TBX5: variants seen among roughly 807,000 people sequenced by gnomAD.
TBX5 encodes T-box transcription factor 5.
TBX5 carries 8 observed loss-of-function variants against 51.1 expected under a neutral mutation model. That is an observed-to-expected ratio of 0.16 (90% CI 0.09 to 0.28). TBX5 has a LOEUF of 0.28. Among genes scored for constraint, TBX5 ranks in the 10% least tolerant of loss-of-function variants. The pLI, the probability that TBX5 is intolerant of heterozygous loss-of-function variation, is 1.00. For missense variants in TBX5, 589 were observed against 671.7 expected, an observed-to-expected ratio of 0.88 and a Z score of 1.36; for synonymous variants, 302 against 266.4, an observed-to-expected ratio of 1.13 and a Z score of -1.30.
chr12:114,373,299 A>G (rs1171780977), intron 7 of TBX5, among the ~76,000 whole-genome samples: 1 of 152,200 alleles, frequency 6.6e-6, no homozygotes, highest in Non-Finnish European at 1.5e-5. Flanking sequence ...CCTTTGTCTC[A>G]GTTTCCCTGT....
At chr12:114,389,821 C>T (rs1388426031) in intron 6 of TBX5, among the ~76,000 whole-genome samples, 1 of 147,922 alleles carries the variant, frequency 6.8e-6, no homozygotes, top group African/African-American at 2.5e-5. Flanking sequence ...CTCCCACCTC[C>T]CAGCCTGCCC....
chr12:114,365,546 A>G (rs1278631613), intron 8 of TBX5, among the ~76,000 whole-genome samples: 1 of 152,158 alleles, frequency 6.6e-6, no homozygotes, highest in African/African-American at 2.4e-5. Flanking sequence ...TTTAAAAAAA[A>G]TTTTGGGTGT....
intron 8 of TBX5, among the ~76,000 whole-genome samples, chr12:114,365,175 T>A (rs556514013): frequency 9.9e-5 from 8 of 80,570 alleles, no homozygotes; most frequent in Admixed American, 8.0e-4. Context: ...GTGATGTGTG[T>A]GTGTGTGTGT....
intron 8 of TBX5, among the ~76,000 whole-genome samples, chr12:114,361,476 T>C (rs1405847378): frequency 6.6e-6 from 1 of 152,160 alleles, no homozygotes; most frequent in Non-Finnish European, 1.5e-5. Context: ...AGACAAGTGC[T>C]CTCCCAGGCC....
chr12:114,385,450 G>A (rs1473810740), intron 7 of TBX5, 26 bp downstream of exon 7: 2 of 1,608,282 alleles, frequency 1.2e-6, no homozygotes, highest in Admixed American at 3.3e-5. Flanking sequence ...GTGGGGAGGA[G>A]AAAGTTGAGG....
intron 7 of TBX5, among the ~76,000 whole-genome samples, chr12:114,375,657 G>A (rs1205847643): frequency 1.3e-5 from 2 of 152,188 alleles, no homozygotes; most frequent in East Asian, 1.9e-4. Flanking sequence ...GCAAGGATGT[G>A]GAGAAAAAGG....
In TBX5 at chr12:114,354,438, G is replaced by T. The variant is rs184793497; in HGVS notation, c.*1094C>A. 6.6e-6 allele frequency: 1 copy of T among 152,172 alleles called. No homozygotes were observed. Among genetic ancestry groups the T allele is most frequent in the African/African-American group, 2.4e-5 (1 of 41,516 alleles). 9.4% of individuals were successfully genotyped at this position (152,172 alleles called of 1,614,324 possible). ...GTAAACACAGTTTTGTGTTGGCATT[G>T]GTGTGGGCGTGGTTTCTTTGGCGAG... is the stretch of plus-strand genomic sequence containing the variant. On this transcript the variant is annotated 3_prime_UTR_variant, in exon 9 of 9. Coordinates refer to ENST00000405440, the MANE Select transcript of TBX5 (RefSeq NM_181486.4).
At position 114,403,848 on chromosome 12, in the gene TBX5, A is replaced by G. The variant is rs765479608; in HGVS notation, c.51T>C (p.Pro17=). 44 of 1,613,702 alleles carry G rather than the reference A, an allele frequency of 2.7e-5. No homozygotes were observed. Among genetic ancestry groups the G allele is most frequent in the Non-Finnish European group, 1.7e-5 (20 of 1,179,998 alleles). Residue 17 remains proline, a synonymous_variant, in exon 2 of 9, where the codon CCT becomes CCC. Transcript: ENST00000405440. ...GFGLAHTPLE[P]DAKDLPCDSK... is the part of the protein sequence containing the mutation. ...AATCGCAGGGCAGGTCTTTTGCGTC[A>G]GGCTCCAGAGGCGTGTGCGCCAGGC... is the stretch of plus-strand genomic sequence containing the variant.
At chr12:114,391,198 A>G (rs942919993) in intron 6 of TBX5, among the ~76,000 whole-genome samples, 7 of 152,184 alleles carry the variant, frequency 4.6e-5, no homozygotes, top group Admixed American at 1.3e-4. Flanking sequence ...TTCCCTGCTC[A>G]TTTATCCAAG....
chr12:114,401,574 C>T (rs1234444678), intron 3 of TBX5, among the ~76,000 whole-genome samples: 1 of 152,146 alleles, frequency 6.6e-6, no homozygotes, highest in Non-Finnish European at 1.5e-5. Flanking sequence ...GGGAGAAATG[C>T]CCAGTTTCCG....
At chr12:114,390,904 A>G (rs1037209884) in intron 6 of TBX5, among the ~76,000 whole-genome samples, 8 of 152,338 alleles carry the variant, frequency 5.3e-5, no homozygotes, top group Non-Finnish European at 1.0e-4. Flanking sequence ...GAGTTTTTAA[A>G]TATCTTTTTT....
At chr12:114,370,150 G>A (rs1224112736) in intron 7 of TBX5, among the ~76,000 whole-genome samples, 2 of 151,758 alleles carry the variant, frequency 1.3e-5, no homozygotes, top group Non-Finnish European at 2.9e-5. Context: ...ACAATCACTT[G>A]AACCTGGGAG....
chr12:114,355,613 G>T lies in TBX5; in HGVS notation c.1476C>A (p.Gly492=), dbSNP rs369034176. 1 of 1,614,152 alleles carries T rather than the reference G, an allele frequency of 6.2e-7. No homozygotes were observed. Among genetic ancestry groups the T allele is most frequent in the South Asian group, 1.1e-5 (1 of 91,074 alleles). ...LQPPEFLYSH[G]VPRTLSPHQY... is the part of the protein sequence containing the mutation. ...GATGAGGGGATAGAGTCCTTGGCACGCCATGAGAGTAGAGGAACTCAGGGG... is the reference window on the plus strand; with the variant it reads ...GATGAGGGGATAGAGTCCTTGGCACTCCATGAGAGTAGAGGAACTCAGGGG... The change falls in exon 9 of 9, where the codon GGC becomes GGA. Residue 492 remains glycine, a synonymous_variant. Coordinates refer to ENST00000405440, the MANE Select transcript of TBX5 (RefSeq NM_181486.4).
chr12:114,381,081 C>G (rs1458193017), intron 7 of TBX5, among the ~76,000 whole-genome samples: 8 of 151,958 alleles, frequency 5.3e-5, no homozygotes. Context: ...TAACTAGAAA[C>G]CATTAAAAAA....
rs530325780 is a variant in TBX5, at chr12:114,387,752, C to T, written c.664-2185G>A. 3.3e-5 allele frequency among the ~76,000 whole-genome samples: 5 copies of T among 152,220 alleles called. No individual in the cohort carries two copies. In the South Asian group the frequency reaches 1.0e-3, roughly 32 times the overall value. On this transcript the variant is annotated intron_variant, in intron 6 of 8. Coordinates refer to ENST00000405440, the MANE Select transcript of TBX5 (RefSeq NM_181486.4). ...GATGTCCATGGTGGGGGTGGCTGTG[C>T]ATGTGGTGGGGAGAAGCTATAGGGG... is the stretch of plus-strand genomic sequence containing the variant.
intron 8 of TBX5, among the ~76,000 whole-genome samples, chr12:114,358,944 C>A (rs938352449): frequency 1.1e-4 from 16 of 152,082 alleles, no homozygotes; most frequent in Admixed American, 9.2e-4. Context: ...GGAATCATAA[C>A]CTTTGGGTTT....
chr12:114,404,566 A>T (rs1264069259), intron 1 of TBX5, among the ~76,000 whole-genome samples: 1 of 152,202 alleles, frequency 6.6e-6, no homozygotes, highest in Non-Finnish European at 1.5e-5. Flanking sequence ...AGGCCTTAAC[A>T]TTAAAAGTCC....
intron 8 of TBX5, among the ~76,000 whole-genome samples, chr12:114,356,892 A>C (rs904450987): frequency 1.3e-5 from 2 of 152,204 alleles, no homozygotes; most frequent in Non-Finnish European, 2.9e-5. Flanking sequence ...ATGGCTGATA[A>C]ACAGTAGAGC....
intron 7 of TBX5, among the ~76,000 whole-genome samples, chr12:114,373,290 C>T (rs1870017286): frequency 6.6e-6 from 1 of 152,158 alleles, no homozygotes; most frequent in African/African-American, 2.4e-5. Flanking sequence ...TGACATTACC[C>T]TTTGTCTCAG....
Sources: gnomAD v4.1 joint callset for allele counts (sites outside exome capture counted in the v4.1 genomes callset) on GRCh38, gnomAD v4.1.1 for gene constraint, MANE v1.5 for transcripts, NCBI Gene and HGNC (gene_info 2026-07-23, HGNC 2026-07-21) for gene names.